Variants in SEMA4D observed in about 807,000 individuals in gnomAD.
SEMA4D encodes the protein semaphorin 4D.
In SEMA4D, 22 loss-of-function variants were observed where a neutral mutation model predicts 74.8. That is an observed-to-expected ratio of 0.29 (90% CI 0.21 to 0.42). The LOEUF is 0.42. Ranked by LOEUF, SEMA4D falls within the 10% of genes least tolerant of loss-of-function variation. The pLI is 1.00. For missense variants in SEMA4D, 937 were observed against 1,118.4 expected, an observed-to-expected ratio of 0.84 and a Z score of 2.31; for synonymous variants, 445 against 463.7, an observed-to-expected ratio of 0.96 and a Z score of 0.52.
chr9:89,388,850 G>A (rs1399841218), intron 10 of SEMA4D, 22 bp downstream of exon 10: 2 of 1,610,110 alleles, frequency 1.2e-6, no homozygotes, highest in Non-Finnish European at 1.7e-6. Context: ...GCAAGGAGGG[G>A]GACTCCACCC....
chr9:89,496,862 C>A (rs565480744), intron 1 of SEMA4D, among the ~76,000 whole-genome samples: 2 of 152,342 alleles, frequency 1.3e-5, no homozygotes, highest in East Asian at 3.9e-4. Flanking sequence ...CGTTCCGTGG[C>A]GCCTGGTGGA....
chr9:89,444,752 G>A (rs1325910148), intron 2 of SEMA4D, among the ~76,000 whole-genome samples: 3 of 151,912 alleles, frequency 2.0e-5, no homozygotes, highest in Non-Finnish European at 4.4e-5. Flanking sequence ...AACAAACGCT[G>A]GTACCCACGA....
At chr9:89,411,331 T>C (rs986994076) in intron 2 of SEMA4D, among the ~76,000 whole-genome samples, 2 of 152,252 alleles carry the variant, frequency 1.3e-5, no homozygotes, top group South Asian at 2.1e-4. Context: ...CCCAGTTGCA[T>C]AGCCCCCATT....
intron 2 of SEMA4D, among the ~76,000 whole-genome samples, chr9:89,435,586 C>T (rs962928539): frequency 2.6e-5 from 4 of 151,710 alleles, no homozygotes; most frequent in African/African-American, 7.3e-5. Flanking sequence ...GACACAGTGC[C>T]GGGCATGTAC....
At chr9:89,483,810 G>A (rs1824921168) in intron 1 of SEMA4D, among the ~76,000 whole-genome samples, 1 of 152,132 alleles carries the variant, frequency 6.6e-6, no homozygotes, top group Non-Finnish European at 1.5e-5. Context: ...AGCCAGCCAG[G>A]CATGAGACAC....
At chr9:89,432,707 A>G (rs1849538511) in intron 2 of SEMA4D, among the ~76,000 whole-genome samples, 1 of 152,260 alleles carries the variant, frequency 6.6e-6, no homozygotes, top group African/African-American at 2.4e-5. Context: ...AAAAAAGCAA[A>G]AAACAAACAA....
intron 4 of SEMA4D, among the ~76,000 whole-genome samples, chr9:89,399,974 G>T (rs886819703): frequency 1.6e-5 from 2 of 125,936 alleles, no homozygotes; most frequent in Non-Finnish European, 3.2e-5. Context: ...CTCCAGCCTC[G>T]TGTGCCTGGG....
At chr9:89,438,574 C>A (rs886884707) in intron 2 of SEMA4D, among the ~76,000 whole-genome samples, 2 of 152,214 alleles carry the variant, frequency 1.3e-5, no homozygotes, top group African/African-American at 4.8e-5. Flanking sequence ...GTTCCTGAGA[C>A]AAACAACATT....
rs569368369 is a variant in SEMA4D at position 89,419,953 on chromosome 9, T to C, written c.-243-14254A>G. Among the ~76,000 whole-genome samples, 12 of 152,254 alleles carry C rather than the reference T, an allele frequency of 7.9e-5. No homozygotes were observed. The South Asian group carries it at 2.5e-3, about 32-fold the overall frequency. ...AAAAACACCTGAAAAACTTCTATTTTTTAGAAATGAAATAAGCCTTTGTCA... is the reference window on the plus strand; with the variant it reads ...AAAAACACCTGAAAAACTTCTATTTCTTAGAAATGAAATAAGCCTTTGTCA... On this transcript the variant is annotated intron_variant, in intron 2 of 15. Transcript: ENST00000422704.
intron 16 of SEMA4D, among the ~76,000 whole-genome samples, chr9:89,370,785 G>A (rs1366107276): frequency 4.1e-5 from 6 of 145,054 alleles, no homozygotes; most frequent in African/African-American, 2.6e-5. Context: ...TGTGGGGTGG[G>A]GTGTATGTGT....
chr9:89,385,865 T>TGGGGGGGGTGG, intron 13 of SEMA4D: 1 of 213,330 alleles, frequency 4.7e-6, no homozygotes, highest in Non-Finnish European at 8.0e-6. Flanking sequence ...CCAGCGTGGA[T>TGGGGGGGGTGG]GCCCGCCCAC....
chr9:89,445,445 C>A (rs1476958775), intron 2 of SEMA4D, among the ~76,000 whole-genome samples: 3 of 152,214 alleles, frequency 2.0e-5, no homozygotes, highest in Non-Finnish European at 4.4e-5. Flanking sequence ...ATCAGTTTCA[C>A]TGACCAAAAT....
intron 2 of SEMA4D, chr9:89,418,274 TG>T: frequency 1.3e-6 from 1 of 749,884 alleles, no homozygotes; most frequent in Non-Finnish European, 1.6e-6. Flanking sequence ...TTGCATGTGC[TG>T]GGGAAGACAG....
At chr9:89,385,866 G>GGGGGGGGGGGGCGC in intron 13 of SEMA4D, 1 of 196,226 alleles carries the variant, frequency 5.1e-6, no homozygotes. Flanking sequence ...CAGCGTGGAT[G>GGGGGGGGGGGGCGC]CCCGCCCACC....
At chr9:89,402,807 G>A in intron 4 of SEMA4D, 64 bp downstream of exon 4, 1 of 1,555,416 alleles carries the variant, frequency 6.4e-7, no homozygotes, top group Admixed American at 1.7e-5. Context: ...CCCCACAGTG[G>A]GGCCAGGAGA....
intron 1 of SEMA4D, among the ~76,000 whole-genome samples, chr9:89,474,759 C>T (rs747350633): frequency 9.9e-5 from 15 of 152,216 alleles, no homozygotes; most frequent in Admixed American, 7.9e-4. Flanking sequence ...AAAAGCCAGA[C>T]GGATTCTTCC....
At chr9:89,451,045 TTTC>T (rs1381661269) in intron 2 of SEMA4D, among the ~76,000 whole-genome samples, 1 of 152,156 alleles carries the variant, frequency 6.6e-6, no homozygotes, top group African/African-American at 2.4e-5. Flanking sequence ...TTCCTAGCCT[TTTC>T]TTCTACTCTC....
chr9:89,391,108 C>T (rs1406530201), intron 9 of SEMA4D, among the ~76,000 whole-genome samples, 156 bp downstream of exon 9: 1 of 152,212 alleles, frequency 6.6e-6, no homozygotes, highest in African/African-American at 2.4e-5. Flanking sequence ...CCCCACAACC[C>T]CCAGAAATAA....
chr9:89,389,728 G>A lies in SEMA4D; in HGVS notation c.775-681C>T, dbSNP rs1839385212. On this transcript the variant is annotated intron_variant, in intron 9 of 15. Transcript: ENST00000422704. The stretch of plus-strand genomic sequence containing the variant: ...TGCAGAAGAATATGAAATAGAAGCA[G>A]CCTTACTTATTTTGGACACAGGGAA... Among the ~76,000 whole-genome samples, 3 of 152,200 alleles carry A rather than the reference G, an allele frequency of 2.0e-5. No individual in the cohort carries two copies. The South Asian group carries it at 6.2e-4, about 31-fold the overall frequency.
Sources: gnomAD v4.1 joint callset for allele counts (sites outside exome capture counted in the v4.1 genomes callset) on GRCh38, gnomAD v4.1.1 for gene constraint, MANE v1.5 for transcripts, NCBI Gene and HGNC (gene_info 2026-07-23, HGNC 2026-07-21) for gene names.